The following ERG variants were observed in gnomAD, a reference collection of about 807,000 sequenced individuals.
The protein encoded by ERG is ETS transcription factor ERG.
Under a neutral mutation model 55.3 loss-of-function variants are expected in ERG, and 9 were observed. That is an observed-to-expected ratio of 0.16 (90% CI 0.10 to 0.28). The LOEUF (loss-of-function observed/expected upper bound fraction) is 0.28, where lower values mean the gene tolerates loss of function less well. Ranked by LOEUF, ERG falls within the 10% of genes least tolerant of loss-of-function variation. ERG has a pLI of 1.00. For synonymous variants in ERG, 223 were observed against 237.3 expected, an observed-to-expected ratio of 0.94 and a Z score of 0.55; for missense variants, 434 against 631.6, an observed-to-expected ratio of 0.69 and a Z score of 3.35.
chr21:38,521,640 G>A (rs1456851821), intron 2 of ERG, among the ~76,000 whole-genome samples: 4 of 152,218 alleles, frequency 2.6e-5, no homozygotes, highest in Middle Eastern at 3.4e-3. Flanking sequence ...CATTGAATTT[G>A]CTTGCAAAAA....
downstream of ERG, among the ~76,000 whole-genome samples, chr21:38,377,649 A>G (rs180854049): frequency 6.6e-6 from 1 of 152,342 alleles, no homozygotes; most frequent in African/African-American, 2.4e-5. Context: ...CGTGACTTCT[A>G]CACCAAATTC....
Position 38,383,390 on chromosome 21 carries a change from C to G in ERG, c.*13G>C. 2 of 1,483,900 alleles carry G rather than the reference C, an allele frequency of 1.3e-6. No homozygotes were observed. The allele number at this position is 1,483,900 out of a possible 1,614,324, so 91.9% of individuals were successfully genotyped here. A position where few individuals can be genotyped will look rare whatever the true frequency, so the allele number is the denominator to read the frequency against. Reference sequence around the variant, plus strand: ...GTGAATGCACGCTGATGGGAAAAGCCTCCGCCAGGTCTTTAGTAGTAAGTG... The same window carrying G: ...GTGAATGCACGCTGATGGGAAAAGCGTCCGCCAGGTCTTTAGTAGTAAGTG... On this transcript the variant is annotated 3_prime_UTR_variant, in exon 10 of 10. Transcript: ENST00000288319. This position sits in a 1 kb window ranked among gnomAD's most constrained non-coding sequence, Gnocchi z 5.7.
intron 1 of ERG, among the ~76,000 whole-genome samples, chr21:38,613,316 T>A (rs1262292181): frequency 6.6e-6 from 1 of 152,262 alleles, no homozygotes; most frequent in African/African-American, 2.4e-5. Flanking sequence ...CTTTCCAGTC[T>A]ACAGTTGACA....
At chr21:38,450,548 T>TATAA (rs1291153129) in intron 1 of ERG, among the ~76,000 whole-genome samples, 1 of 152,134 alleles carries the variant, frequency 6.6e-6, no homozygotes, top group South Asian at 2.1e-4. Context: ...ACAAAACCCT[T>TATAA]CCTTAAATTT....
intron 1 of ERG, among the ~76,000 whole-genome samples, chr21:38,578,202 C>T (rs2060006672): frequency 6.6e-6 from 1 of 152,248 alleles, no homozygotes; most frequent in Non-Finnish European, 1.5e-5. Flanking sequence ...AGTCAGCCCA[C>T]AGAATCATGA....
chr21:38,588,093 G>A (rs984558648), upstream of ERG, among the ~76,000 whole-genome samples: 20 of 152,342 alleles, frequency 1.3e-4, no homozygotes, highest in East Asian at 2.7e-3. Context: ...CGAAGTCCAC[G>A]AAGAGAAGCT....
intron 2 of ERG, among the ~76,000 whole-genome samples, chr21:38,556,241 G>A (rs568098285): frequency 6.6e-6 from 1 of 152,070 alleles, no homozygotes; most frequent in Non-Finnish European, 1.5e-5. Flanking sequence ...ATAATTATAT[G>A]TAATATTGTT....
In ERG at chr21:38,466,300, G is replaced by GGGGT. The variant is rs1555903683; in HGVS notation, c.19-20680_19-20679insACCC. Reference sequence around the variant, plus strand: ...CAGTTTAGGCTGTCTGATGGTCTGGGGTGTGTGTGTGTGTGTGTGTGTGTG... The same window carrying GGGGT: ...CAGTTTAGGCTGTCTGATGGTCTGGGGGGTGTGTGTGTGTGTGTGTGTGTGTGTG... On this transcript the variant is annotated intron_variant, in intron 1 of 9. Transcript: ENST00000288319. Among the ~76,000 whole-genome samples, 115 of 140,682 alleles carry GGGGT rather than the reference G, an allele frequency of 8.2e-4. 1 individual carries two copies. Among genetic ancestry groups the GGGGT allele is most frequent in the East Asian group, 7.4e-3 (36 of 4,842 alleles). 92.3% of individuals were successfully genotyped at this position (140,682 alleles called of 152,430 possible). A position where few individuals can be genotyped will look rare whatever the true frequency, so the allele number is the denominator to read the frequency against.
chr21:38,402,010 C>G (rs1988519623), intron 5 of ERG, among the ~76,000 whole-genome samples: 1 of 152,154 alleles, frequency 6.6e-6, no homozygotes, highest in Admixed American at 6.5e-5. Flanking sequence ...TCCCTCTGAA[C>G]AAAAGCTCTC....
chr21:38,551,878 A>C (rs2059826650), intron 2 of ERG, among the ~76,000 whole-genome samples: 1 of 152,164 alleles, frequency 6.6e-6, no homozygotes, highest in Non-Finnish European at 1.5e-5. Context: ...TGTCAAGTTT[A>C]GGTCTCAAAT....
intron 2 of ERG, among the ~76,000 whole-genome samples, chr21:38,538,279 T>C (rs1470476862): frequency 6.6e-6 from 1 of 152,164 alleles, no homozygotes; most frequent in Non-Finnish European, 1.5e-5. Flanking sequence ...TGTGAATGTA[T>C]TTAATACCAC....
chr21:38,470,176 C>T (rs2059126755), intron 1 of ERG, among the ~76,000 whole-genome samples: 1 of 152,124 alleles, frequency 6.6e-6, no homozygotes, highest in East Asian at 1.9e-4. Flanking sequence ...ATTGCAGGAA[C>T]CTGTCTTCTC....
chr21:38,463,938 C>T (rs1032976263), intron 1 of ERG, among the ~76,000 whole-genome samples: 1 of 152,196 alleles, frequency 6.6e-6, no homozygotes, highest in African/African-American at 2.4e-5. Context: ...TATGATGCTA[C>T]TGGGGTCATG....
intron 2 of ERG, among the ~76,000 whole-genome samples, chr21:38,550,794 C>T (rs79120712): frequency 0.013 from 1,964 of 152,244 alleles, 44 homozygotes; most frequent in African/African-American, 0.044. Flanking sequence ...GAGATGGGAT[C>T]ATTGCAAATG....
chr21:38,551,294 C>A (rs1490705156), intron 2 of ERG, among the ~76,000 whole-genome samples: 1 of 151,792 alleles, frequency 6.6e-6, no homozygotes, highest in East Asian at 1.9e-4. Context: ...TTCAAAAAAC[C>A]AACTTTTATT....
chr21:38,539,540 C>CT (rs1295791820), intron 2 of ERG, among the ~76,000 whole-genome samples: 2 of 152,000 alleles, frequency 1.3e-5, no homozygotes, highest in African/African-American at 2.4e-5. Context: ...ATAAATATAA[C>CT]TTTGAGTTAT....
intron 1 of ERG, among the ~76,000 whole-genome samples, chr21:38,632,815 C>T (rs2060365326): frequency 6.6e-6 from 1 of 152,160 alleles, no homozygotes; most frequent in Admixed American, 6.5e-5. Flanking sequence ...GGTGTAGCCC[C>T]TCTGGAAAAC....
At chr21:38,535,232 C>A (rs2059701072) in intron 2 of ERG, among the ~76,000 whole-genome samples, 1 of 152,062 alleles carries the variant, frequency 6.6e-6, no homozygotes, top group South Asian at 2.1e-4. Context: ...TAGAGTAGTC[C>A]AAGTTCAGAA....
In ERG at chr21:38,391,731, T is replaced by C. The variant is rs750217614; in HGVS notation, c.815-16A>G. The C allele has an allele frequency of 5.6e-6, 9 of 1,611,574 alleles. No individual in the cohort carries two copies. Among genetic ancestry groups the C allele is most frequent in the Non-Finnish European group, 7.6e-6 (9 of 1,178,276 alleles). On this transcript the variant is annotated splice_polypyrimidine_tract_variant and intron_variant, in intron 7 of 9. Transcript: ENST00000288319. Reference sequence around the variant, plus strand: ...GGTTGAGCAGCTGAAAATCCAGAAATACAAAAGGCAATTAGCTATAACAGA... The same window carrying C: ...GGTTGAGCAGCTGAAAATCCAGAAACACAAAAGGCAATTAGCTATAACAGA...
Sources: gnomAD v4.1 joint callset for allele counts (sites outside exome capture counted in the v4.1 genomes callset) on GRCh38, gnomAD v4.1.1 for gene constraint, Gnocchi (gnomAD v3.1) non-coding constraint, MANE v1.5 for transcripts, NCBI Gene and HGNC (gene_info 2026-07-23, HGNC 2026-07-21) for gene names.